AKAP13: variants seen among roughly 807,000 people sequenced by gnomAD.
The protein encoded by AKAP13 is A-kinase anchor protein 13.
AKAP13 carries 80 observed loss-of-function variants against 264.5 expected under a neutral mutation model. That is an observed-to-expected ratio of 0.30 (90% CI 0.25 to 0.36). AKAP13 has a LOEUF of 0.36. AKAP13 is among the 10% of genes least tolerant of loss of function. The pLI, the probability that AKAP13 is intolerant of heterozygous loss-of-function variation, is 1.00. For synonymous variants in AKAP13, 1,380 were observed against 1,250.2 expected (o/e 1.10, Z -2.19); for missense variants, 3,712 against 3,435.2 (o/e 1.08, Z -2.01).
chr15:85,567,794 GTATTTT>G (rs1567129569), intron 5 of AKAP13, among the ~76,000 whole-genome samples: 1 of 152,098 alleles, frequency 6.6e-6, no homozygotes, highest in Non-Finnish European at 1.5e-5. Context: ...TTGTTTACTC[GTATTTT>G]TATATTATGT....
rs538305886 is a variant in AKAP13, at chr15:85,514,300, A to G, written c.34-7128A>G. On this transcript the variant is annotated intron_variant, in intron 2 of 36. Transcript: ENST00000394518. ...TATTAATATGGACTCATGACTTCCT[A>G]TTTGTTAAAAAAATTGTTTATAATT... Among the ~76,000 whole-genome samples the G allele has an allele frequency of 8.7e-5, 12 of 138,048 alleles. 4 individuals are homozygous for G. Among genetic ancestry groups the G allele is most frequent in the African/African-American group, 3.5e-4 (12 of 34,324 alleles). The allele number at this position is 138,048 out of a possible 152,430, so 90.6% of individuals were successfully genotyped here. A position where few individuals can be genotyped will look rare whatever the true frequency, so the allele number is the denominator to read the frequency against.
intron 8 of AKAP13, among the ~76,000 whole-genome samples, chr15:85,615,274 T>G (rs952771936): frequency 6.6e-6 from 1 of 152,208 alleles, no homozygotes; most frequent in Non-Finnish European, 1.5e-5. Flanking sequence ...TGCTACTAAT[T>G]TGAAAAGAAA....
At chr15:85,466,693 A>G (rs2074754158) in intron 1 of AKAP13, among the ~76,000 whole-genome samples, 1 of 152,194 alleles carries the variant, frequency 6.6e-6, no homozygotes, top group Non-Finnish European at 1.5e-5. Context: ...ACTGCATCTT[A>G]TTCATCATAA....
intron 1 of AKAP13, among the ~76,000 whole-genome samples, chr15:85,468,148 G>A (rs1055705224): frequency 1.3e-5 from 2 of 152,146 alleles, no homozygotes; most frequent in Admixed American, 6.5e-5. Flanking sequence ...AACTTTTGAG[G>A]TATTCTATGA....
intron 4 of AKAP13, among the ~76,000 whole-genome samples, chr15:85,539,957 A>T (rs2151204260): frequency 6.6e-6 from 1 of 152,364 alleles, no homozygotes; most frequent in Admixed American, 6.5e-5. Context: ...TAAAGAGCTC[A>T]ATAAAATCAG....
At chr15:85,506,659 G>T (rs1596362222) in intron 2 of AKAP13, among the ~76,000 whole-genome samples, 1 of 152,200 alleles carries the variant, frequency 6.6e-6, no homozygotes, top group African/African-American at 2.4e-5. Flanking sequence ...CTTCATTGAG[G>T]ATGGTCAGGG....
intron 16 of AKAP13, among the ~76,000 whole-genome samples, chr15:85,687,106 C>T (rs978967991): frequency 1.2e-4 from 18 of 151,984 alleles, no homozygotes; most frequent in African/African-American, 1.7e-4. Context: ...AAAAAAACAA[C>T]GTAAGATGGA....
intron 1 of AKAP13, among the ~76,000 whole-genome samples, chr15:85,440,320 C>T (rs949503265): frequency 2.6e-5 from 4 of 152,182 alleles, no homozygotes; most frequent in African/African-American, 7.2e-5. Flanking sequence ...AGGCATATTT[C>T]TGTTTTATAG....
intron 1 of AKAP13, among the ~76,000 whole-genome samples, chr15:85,473,797 C>T (rs1029138658): frequency 5.3e-5 from 8 of 152,164 alleles, no homozygotes; most frequent in African/African-American, 1.9e-4. Flanking sequence ...GAGTTAATAA[C>T]CACTCGCCTG....
At chr15:85,698,347 C>G (rs367876726) in intron 17 of AKAP13, among the ~76,000 whole-genome samples, 4 of 151,648 alleles carry the variant, frequency 2.6e-5, no homozygotes, top group South Asian at 4.2e-4. Flanking sequence ...TGCCTGTAAT[C>G]CCAGCTACTT....
chr15:85,556,301 T>C (rs2078144922), intron 5 of AKAP13, among the ~76,000 whole-genome samples: 1 of 152,244 alleles, frequency 6.6e-6, no homozygotes, highest in African/African-American at 2.4e-5. Context: ...TACTTTTATA[T>C]GACTGGCAGC....
intron 1 of AKAP13, among the ~76,000 whole-genome samples, chr15:85,388,383 C>G (rs922648701): frequency 6.6e-6 from 1 of 152,090 alleles, no homozygotes; most frequent in Non-Finnish European, 1.5e-5. Context: ...ATCTAGGACC[C>G]TCAGTGTAAT....
At chr15:85,520,051 A>C (rs1387749671) in intron 2 of AKAP13, among the ~76,000 whole-genome samples, 1 of 152,112 alleles carries the variant, frequency 6.6e-6, no homozygotes, top group Non-Finnish European at 1.5e-5. Flanking sequence ...AGTGCTTTAA[A>C]CCTTGATGCT....
chr15:85,447,313 G>T (rs1459465772), intron 1 of AKAP13, among the ~76,000 whole-genome samples: 1 of 151,964 alleles, frequency 6.6e-6, no homozygotes, highest in Non-Finnish European at 1.5e-5. Flanking sequence ...TTTAAAATAA[G>T]AGTTCTTCAG....
At chr15:85,423,928 G>C (rs112527044) in intron 1 of AKAP13, among the ~76,000 whole-genome samples, 1,817 of 152,320 alleles carry the variant, frequency 0.012, 14 homozygotes, top group Non-Finnish European at 0.019. Context: ...GGTGACCCAG[G>C]TGCATTGTGA....
At chr15:85,458,446 G>T in intron 1 of AKAP13, among the ~76,000 whole-genome samples, 1 of 110,036 alleles carries the variant, frequency 9.1e-6, no homozygotes, top group Non-Finnish European at 1.7e-5. Context: ...CTGTATTTTA[G>T]TTATCACTTT....
chr15:85,445,059 T>C (rs1016863341), intron 1 of AKAP13, among the ~76,000 whole-genome samples: 1 of 152,224 alleles, frequency 6.6e-6, no homozygotes, highest in African/African-American at 2.4e-5. Context: ...ACCTTCCATA[T>C]GCTTATTCAG....
At position 85,581,085 on chromosome 15, in the gene AKAP13, C is replaced by T; in HGVS notation, c.3017C>T (p.Ser1006Leu). Residue 1006 changes from serine to leucine, a missense_variant, in exon 7 of 37, where the codon TCA (serine) becomes TTA (leucine). This residue lies in a region of AKAP13 where 2,759 missense variants were observed against 2,411.7 expected (regional missense o/e 1.14). Transcript: ENST00000394518. ...AACAAGGAAGTGGCCCCACAAGTCT[C>T]ACTGCTGACTCAAGGTGGGGCTGCC... ...EHNKEVAPQV[S>L]LLTQGGAAQS... 1 of 1,614,074 alleles carries T rather than the reference C, an allele frequency of 6.2e-7. No individual in the cohort carries two copies. Among genetic ancestry groups the T allele is most frequent in the Non-Finnish European group, 8.5e-7 (1 of 1,179,974 alleles).
At chr15:85,677,723 C>T (rs1322811839) in intron 14 of AKAP13, among the ~76,000 whole-genome samples, 2 of 151,528 alleles carry the variant, frequency 1.3e-5, no homozygotes, top group African/African-American at 2.4e-5. Flanking sequence ...GCGATCTTGC[C>T]TCCCAGGTTC....
Sources: gnomAD v4.1 joint callset for allele counts (sites outside exome capture counted in the v4.1 genomes callset) on GRCh38, gnomAD v4.1.1 for gene constraint, gnomAD v4.1.1 regional missense constraint, MANE v1.5 for transcripts, NCBI Gene and HGNC (gene_info 2026-07-23, HGNC 2026-07-21) for gene names.